PTPRE: variants seen among roughly 807,000 people sequenced by gnomAD.
PTPRE encodes the protein protein tyrosine phosphatase receptor type E.
Under a neutral mutation model 102.0 loss-of-function variants are expected in PTPRE, and 51 were observed. The ratio of observed to expected loss-of-function variants is 0.50; its 90% CI spans 0.40 to 0.63. PTPRE has a LOEUF of 0.63. Among genes scored for constraint, PTPRE ranks in the 30% least tolerant of loss-of-function variants. The pLI, the probability that PTPRE is intolerant of heterozygous loss-of-function variation, is 0.00. For synonymous variants in PTPRE, 345 were observed against 348.2 expected (o/e 0.99, Z 0.10); for missense variants, 752 against 915.1 (o/e 0.82, Z 2.30).
intron 2 of PTPRE, among the ~76,000 whole-genome samples, chr10:127,995,307 C>T (rs970919884): frequency 6.6e-5 from 10 of 152,168 alleles, no homozygotes; most frequent in East Asian, 1.9e-4. Context: ...TGAGATAAAC[C>T]GACCCACCTG....
At chr10:128,065,224 T>C (rs1365497229) in intron 10 of PTPRE, among the ~76,000 whole-genome samples, 1 of 152,248 alleles carries the variant, frequency 6.6e-6, no homozygotes, top group African/African-American at 2.4e-5. Flanking sequence ...CATAAGACTG[T>C]TAATCCTGGA....
chr10:128,085,087 C>T lies in PTPRE; in HGVS notation c.*2181C>T. On this transcript the variant is annotated 3_prime_UTR_variant, in exon 21 of 21. Transcript: ENST00000254667. ...TTCCATTCCAGGAACAAAGGAGAAG[C>T]CACTTTCCCCAGGACGCAAGACTCT... 2.2e-6 allele frequency: 1 copy of T among 456,140 alleles called. No individual in the cohort carries two copies. The highest frequency in any genetic ancestry group is 4.4e-6 in the Non-Finnish European group (1 of 226,906). 28.3% of individuals were successfully genotyped at this position (456,140 alleles called of 1,614,324 possible).
At chr10:128,069,615 G>T (rs963643847) in intron 12 of PTPRE, 77 bp from the exon 13 acceptor site, 3 of 1,556,984 alleles carry the variant, frequency 1.9e-6, no homozygotes, top group African/African-American at 2.8e-5. Flanking sequence ...ACCTGGGTGC[G>T]CAGGCCCCTT....
chr10:127,962,004 T>TC (rs1401005424), intron 1 of PTPRE, among the ~76,000 whole-genome samples: 1 of 152,200 alleles, frequency 6.6e-6, no homozygotes, highest in Non-Finnish European at 1.5e-5. Context: ...GGAGAGAGAC[T>TC]CCATTTTTCT....
At chr10:127,984,802 T>C (rs143438570) in intron 2 of PTPRE, among the ~76,000 whole-genome samples, 2,871 of 152,330 alleles carry the variant, frequency 0.019, 105 homozygotes, top group African/African-American at 0.066. Context: ...GCCATGATTG[T>C]GAGGCCTCCC....
intron 2 of PTPRE, among the ~76,000 whole-genome samples, chr10:128,026,260 A>G (rs1407517465): frequency 2.6e-5 from 4 of 152,268 alleles, no homozygotes; most frequent in Admixed American, 2.6e-4. Context: ...GTCCTCATCC[A>G]TCTGTGTTCC....
At chr10:128,079,989 G>T (rs868541585) in intron 20 of PTPRE, among the ~76,000 whole-genome samples, 8 of 152,142 alleles carry the variant, frequency 5.3e-5, no homozygotes, top group African/African-American at 1.9e-4. Flanking sequence ...GTGTCAAAGT[G>T]AACTATTCTA....
rs181935686 is a variant in PTPRE, at chr10:127,923,458, C to T, written c.-31+16149C>T. Among the ~76,000 whole-genome samples the T allele has an allele frequency of 2.2e-3, 301 of 137,814 alleles. 1 individual carries two copies. The highest frequency in any genetic ancestry group is 8.2e-3 in the African/African-American group (288 of 35,298). The allele number at this position is 137,814 out of a possible 152,430, so 90.4% of individuals were successfully genotyped here. ...TTGCTCTGTTGCCCAGGCTGAAGTG[C>T]AGTGGCACGAACTCGGCTCACCGCA... On this transcript the variant is annotated intron_variant, in intron 1 of 20. Transcript: ENST00000254667.
In PTPRE at chr10:128,061,348, T is replaced by C. The variant is rs187830210; in HGVS notation, c.589-331T>C. On this transcript the variant is annotated intron_variant, in intron 8 of 20. Transcript: ENST00000254667. ...TTGATTTGTATTAATCTTTAAAAGA[T>C]CATTTAATATCAATTATAAAATTCC... 1.3e-3 allele frequency among the ~76,000 whole-genome samples: 194 copies of C among 152,358 alleles called. 1 individual carries two copies. Among genetic ancestry groups the C allele is most frequent in the African/African-American group, 4.4e-3 (183 of 41,584 alleles).
chr10:128,009,117 G>A (rs74159120), intron 2 of PTPRE, among the ~76,000 whole-genome samples: 1,731 of 152,318 alleles, frequency 0.011, 30 homozygotes, highest in African/African-American at 0.039. Flanking sequence ...GCAGCTGGGA[G>A]CTGCAGCATC....
In PTPRE at chr10:128,077,622, G is replaced by T. The variant is rs953133459; in HGVS notation, c.1731G>T (p.Gln577His). ...RDFLVTLNQP[Q>H]ARQEEQVRVV... ...ACCCCCTCTCCTCCCTGCAGCCCCA[G>T]GCCCGCCAGGAGGAGCAGGTCCGAG... The change falls in exon 19 of 21, where the codon CAG (glutamine) becomes CAT (histidine). Residue 577 changes from glutamine to histidine, a missense_variant. Physicochemically the swap from Gln to His is conservative, Grantham distance 24 (BLOSUM62 0). This residue lies in a region of PTPRE where 636 missense variants were observed against 824.4 expected (regional missense o/e 0.77). Transcript: ENST00000254667. The T allele has an allele frequency of 6.2e-7, 1 of 1,607,236 alleles. No individual in the cohort carries two copies. The highest frequency in any genetic ancestry group is 1.3e-5 in the African/African-American group (1 of 74,932).
chr10:128,070,717 C>T lies in PTPRE; in HGVS notation c.1294-91C>T, dbSNP rs907893088. The T allele has an allele frequency of 7.9e-6, 11 of 1,386,518 alleles. No individual in the cohort carries two copies. The highest frequency in any genetic ancestry group is 2.0e-5 in the Admixed American group (1 of 50,850). 85.9% of individuals were successfully genotyped at this position (1,386,518 alleles called of 1,614,324 possible). A position where few individuals can be genotyped will look rare whatever the true frequency, so the allele number is the denominator to read the frequency against. On this transcript the variant is annotated intron_variant, in intron 14 of 20. Transcript: ENST00000254667. This position sits in a 1 kb window ranked among gnomAD's most constrained non-coding sequence, Gnocchi z 4.8. The stretch of plus-strand genomic sequence containing the variant: ...TGGAGAGTGGTTTCCTTTGAGCAGG[C>T]GTCCTTGCCAGCAGCACTAGTCCTC...
chr10:128,062,988 G>T, intron 9 of PTPRE, 95 bp from the exon 10 acceptor site: 1 of 1,557,204 alleles, frequency 6.4e-7, no homozygotes, highest in South Asian at 1.2e-5. Flanking sequence ...GGAGTGAACA[G>T]CTGTCCAGGG....
intron 2 of PTPRE, among the ~76,000 whole-genome samples, chr10:127,984,007 G>A (rs923178117): frequency 1.3e-5 from 2 of 151,988 alleles, no homozygotes; most frequent in South Asian, 2.1e-4. Flanking sequence ...GGTAGTTGGC[G>A]GCCAGAGCCG....
At chr10:128,002,536 A>G (rs1008710185) in intron 2 of PTPRE, among the ~76,000 whole-genome samples, 8 of 152,036 alleles carry the variant, frequency 5.3e-5, no homozygotes, top group African/African-American at 1.9e-4. Flanking sequence ...AGAAGGATGG[A>G]TACAGGAAGG....
At chr10:127,970,797 A>C (rs1270247077) in intron 1 of PTPRE, among the ~76,000 whole-genome samples, 2 of 151,456 alleles carry the variant, frequency 1.3e-5, no homozygotes. Flanking sequence ...CCTTGTTACT[A>C]TGGAAGATTT....
chr10:128,059,954 A>AC (rs770017866), intron 7 of PTPRE, among the ~76,000 whole-genome samples: 4 of 146,698 alleles, frequency 2.7e-5, no homozygotes, highest in African/African-American at 5.0e-5. Flanking sequence ...ACACACACAC[A>AC]ACACACACAC....
At chr10:127,967,904 G>A (rs1389050104) in intron 1 of PTPRE, among the ~76,000 whole-genome samples, 4 of 152,090 alleles carry the variant, frequency 2.6e-5, no homozygotes, top group Non-Finnish European at 4.4e-5. Flanking sequence ...AGATTATATC[G>A]AAGTATTTTT....
chr10:127,982,108 G>A (rs1484623056), intron 1 of PTPRE, among the ~76,000 whole-genome samples, 166 bp from the exon 2 acceptor site: 6 of 152,130 alleles, frequency 3.9e-5, no homozygotes, highest in Non-Finnish European at 8.8e-5. Context: ...GCTGATGATT[G>A]CAGCCAAAAG....
Sources: gnomAD v4.1 joint callset for allele counts (sites outside exome capture counted in the v4.1 genomes callset) on GRCh38, gnomAD v4.1.1 for gene constraint, gnomAD v4.1.1 regional missense constraint, Gnocchi (gnomAD v3.1) non-coding constraint, MANE v1.5 for transcripts, NCBI Gene and HGNC (gene_info 2026-07-23, HGNC 2026-07-21) for gene names.